The following GRM8 variants were observed in gnomAD, a reference collection of about 807,000 sequenced individuals.
GRM8 encodes the protein glutamate metabotropic receptor 8.
A neutral mutation model predicts 87.2 loss-of-function variants in GRM8; 47 were observed. The observed-to-expected ratio is 0.54, with a 90% CI of 0.43 to 0.69. GRM8 has a LOEUF of 0.69. Among genes scored for constraint, GRM8 ranks in the 30% least tolerant of loss-of-function variants. The pLI, the probability that GRM8 is intolerant of heterozygous loss-of-function variation, is 0.00. For missense variants in GRM8, 1,019 were observed against 1,139.2 expected (o/e 0.89, Z 1.52); for synonymous variants, 396 against 404.5 (o/e 0.98, Z 0.25).
chr7:127,096,558 T>TA (rs11315693), intron 3 of GRM8, among the ~76,000 whole-genome samples: 4,407 of 140,406 alleles, frequency 0.031, 109 homozygotes, highest in African/African-American at 0.078. Context: ...AGACTGGGTC[T>TA]AAAAAAAAAA....
intron 7 of GRM8, among the ~76,000 whole-genome samples, chr7:126,647,471 C>G (rs1355430623): frequency 6.6e-6 from 1 of 151,930 alleles, no homozygotes; most frequent in Non-Finnish European, 1.5e-5. Flanking sequence ...AAATATCTAA[C>G]TCAGCCTATT....
rs370124445 is a variant in GRM8, at chr7:126,611,621, G to A, written c.1358-2123C>T. ...AATTACATATTCTCTCCTCAATAAAGGGATACTTAATTTTCTCTACTTAAA... is the reference window on the plus strand; with the variant it reads ...AATTACATATTCTCTCCTCAATAAAAGGATACTTAATTTTCTCTACTTAAA... On this transcript the variant is annotated intron_variant, in intron 7 of 10. Coordinates refer to ENST00000339582, the MANE Select transcript of GRM8 (RefSeq NM_000845.3). 1.4e-3 allele frequency among the ~76,000 whole-genome samples: 208 copies of A among 152,156 alleles called. 2 individuals carry two copies. The highest frequency in any genetic ancestry group is 4.9e-3 in the African/African-American group (203 of 41,516).
intron 6 of GRM8, among the ~76,000 whole-genome samples, chr7:126,781,262 A>T (rs1024728793): frequency 6.6e-6 from 1 of 152,216 alleles, no homozygotes; most frequent in Admixed American, 6.5e-5. Context: ...AAAATTGTAT[A>T]CTCACTTGCC....
chr7:126,797,227 T>C (rs1822052170), intron 6 of GRM8, among the ~76,000 whole-genome samples: 1 of 152,090 alleles, frequency 6.6e-6, no homozygotes, highest in South Asian at 2.1e-4. Context: ...AATATAAAGG[T>C]TACAACTTAA....
chr7:126,449,070 T>G (rs1231497232), intron 9 of GRM8, among the ~76,000 whole-genome samples: 2 of 151,780 alleles, frequency 1.3e-5, no homozygotes, highest in African/African-American at 2.4e-5. Flanking sequence ...AATCATACCC[T>G]AAGTCCACAA....
chr7:126,899,365 G>C (rs1330117866), intron 6 of GRM8, among the ~76,000 whole-genome samples: 7 of 151,932 alleles, frequency 4.6e-5, no homozygotes, highest in Admixed American at 1.3e-4. Flanking sequence ...CAAGAAGCTG[G>C]ACCTTTTTAC....
chr7:126,812,964 A>G (rs967355861), intron 6 of GRM8, among the ~76,000 whole-genome samples: 1 of 152,014 alleles, frequency 6.6e-6, no homozygotes, highest in Non-Finnish European at 1.5e-5. Context: ...GCTATTGTGA[A>G]TAGTGCTGCA....
intron 3 of GRM8, among the ~76,000 whole-genome samples, chr7:127,051,738 GCAAAA>G (rs1345327843): frequency 6.9e-4 from 9 of 13,054 alleles, no homozygotes; most frequent in African/African-American, 1.1e-3. Flanking sequence ...ATAATGTTGA[GCAAAA>G]AAAAAAAAAA....
intron 3 of GRM8, among the ~76,000 whole-genome samples, chr7:127,043,621 T>C (rs1412225443): frequency 6.6e-6 from 1 of 151,950 alleles, no homozygotes; most frequent in Non-Finnish European, 1.5e-5. Context: ...TTGTAGGGTG[T>C]GGGGAGCGGG....
intron 9 of GRM8, chr7:126,511,619 A>G (rs2150746454): frequency 6.6e-6 from 1 of 152,268 alleles, no homozygotes; most frequent in Admixed American, 6.5e-5. Flanking sequence ...GACTGTGTTA[A>G]CAGTGTGTTA....
chr7:126,815,917 G>A (rs895278178), intron 6 of GRM8, among the ~76,000 whole-genome samples: 12 of 152,138 alleles, frequency 7.9e-5, no homozygotes, highest in East Asian at 5.8e-4. Flanking sequence ...TGAACAATCC[G>A]TAAATGGTGA....
intron 2 of GRM8, among the ~76,000 whole-genome samples, chr7:127,161,580 G>A (rs556738488): frequency 7.2e-5 from 11 of 152,254 alleles, no homozygotes; most frequent in Non-Finnish European, 1.0e-4. Flanking sequence ...GTGTGCGCAT[G>A]CATGTGTACA....
chr7:126,607,699 TTTATTA>T (rs1360905198), intron 8 of GRM8, among the ~76,000 whole-genome samples: 1 of 151,966 alleles, frequency 6.6e-6, no homozygotes, highest in African/African-American at 2.4e-5. Flanking sequence ...TTTATGTATT[TTTATTA>T]TTATTATTAT....
intron 8 of GRM8, among the ~76,000 whole-genome samples, chr7:126,578,005 A>G (rs1795265212): frequency 6.6e-6 from 1 of 152,136 alleles, no homozygotes; most frequent in Non-Finnish European, 1.5e-5. Flanking sequence ...GTGTAAATCA[A>G]TCAAACTGAT....
At chr7:126,786,606 G>A (rs1820650884) in intron 6 of GRM8, among the ~76,000 whole-genome samples, 1 of 152,152 alleles carries the variant, frequency 6.6e-6, no homozygotes, top group Non-Finnish European at 1.5e-5. Flanking sequence ...GTTACAAAAA[G>A]TTATAAGTAG....
chr7:126,973,336 C>T (rs901131221), intron 3 of GRM8, among the ~76,000 whole-genome samples: 1 of 152,176 alleles, frequency 6.6e-6, no homozygotes, highest in African/African-American at 2.4e-5. Context: ...TGAAACCCAC[C>T]TGGGCTCATG....
At chr7:126,737,200 G>C (rs4731327) in intron 7 of GRM8, among the ~76,000 whole-genome samples, 49,375 of 151,812 alleles carry the variant, frequency 0.33, 8,648 homozygotes, top group Non-Finnish European at 0.38. Flanking sequence ...TAAAGCCTAA[G>C]ACCAGTGCTT....
intron 3 of GRM8, among the ~76,000 whole-genome samples, chr7:126,915,079 C>G (rs2131320094): frequency 6.6e-6 from 1 of 152,318 alleles, no homozygotes; most frequent in African/African-American, 2.4e-5. Flanking sequence ...AGCGTCCACG[C>G]TGGGCTCTCA....
At chr7:127,043,800 G>A (rs17864106) in intron 3 of GRM8, among the ~76,000 whole-genome samples, 8,481 of 152,206 alleles carry the variant, frequency 0.056, 283 homozygotes, top group South Asian at 0.13. Context: ...AACCCTTTGC[G>A]GATAGGTGGC....
Sources: allele counts gnomAD v4.1 joint callset (sites outside exome capture counted in the v4.1 genomes callset), GRCh38; gene constraint gnomAD v4.1.1; transcripts MANE v1.5; gene names NCBI Gene and HGNC (gene_info 2026-07-23, HGNC 2026-07-21).